The following ZNF334 variants were observed in gnomAD, a reference collection of about 807,000 sequenced individuals.
ZNF334 encodes the protein zinc finger protein 334.
ZNF334 carries 14 observed loss-of-function variants against 12.4 expected under a neutral mutation model. That is an observed-to-expected ratio of 1.13 (90% CI 0.74 to 1.76). The LOEUF is 1.76. Among genes scored for constraint, ZNF334 ranks in the 40% most tolerant of loss-of-function variants. The probability of loss-of-function intolerance (pLI) is 0.00; values close to 1 mark genes in which losing one functional copy is unlikely to be tolerated. For synonymous variants in ZNF334, 273 were observed against 269.6 expected, an observed-to-expected ratio of 1.01 and a Z score of -0.12; for missense variants, 797 against 804.5, an observed-to-expected ratio of 0.99 and a Z score of 0.11.
chr20:46,506,954 A>AT (rs59230600), intron 2 of ZNF334, among the ~76,000 whole-genome samples: 60 of 147,042 alleles, frequency 4.1e-4, no homozygotes, highest in South Asian at 6.4e-4. Flanking sequence ...TCTCAAAAAA[A>AT]TTTTTTTTTT....
At position 46,502,959 on chromosome 20, in the gene ZNF334, A is replaced by G. The variant is rs142272747; in HGVS notation, c.380T>C (p.Val127Ala). ...TTTATAGGGCATTTTTCTTGAGGGA[A>G]CACTATTCATGCCCAGATTAAGTGT... ...GKTLNLGMNS[V>A]PSRKMPYKCN... is the part of the protein sequence containing the mutation. The change falls in exon 5 of 5, where the codon GTT becomes GCT. Residue 127 changes from valine to alanine, a missense_variant. By Grantham distance (64) the Val-to-Ala change is moderately conservative. Transcript: ENST00000692313. The G allele has an allele frequency of 4.8e-4, 777 of 1,614,034 alleles. 1 individual carries two copies. The African/African-American group carries it at 8.5e-3, about 18-fold the overall frequency.
the ZNF334 span, chr20:46,492,620 CACAATA>C: frequency 6.6e-6 from 1 of 152,366 alleles, no homozygotes; most frequent in Non-Finnish European, 1.5e-5. Flanking sequence ...TCAGATAACT[CACAATA>C]AAAAGAAACC....
the ZNF334 span, chr20:46,464,922 T>G: frequency 2.0e-6 from 1 of 511,152 alleles, no homozygotes; most frequent in South Asian, 1.5e-5. Context: ...AGGGATGATT[T>G]TGTAGTTAGA....
At chr20:46,496,865 T>C (rs1231849620), downstream of ZNF334, 1 of 152,186 alleles carries the variant, frequency 6.6e-6, no homozygotes, top group Non-Finnish European at 1.5e-5. Context: ...ATCGTTTAGG[T>C]AGAAGACAGT....
chr20:46,508,640 T>C (rs1378741070), intron 2 of ZNF334, among the ~76,000 whole-genome samples: 1 of 152,224 alleles, frequency 6.6e-6, no homozygotes, highest in Non-Finnish European at 1.5e-5. Context: ...GTGGCACATC[T>C]GCGGAGACAT....
the ZNF334 span, among the ~76,000 whole-genome samples, chr20:46,489,449 A>G: frequency 6.6e-6 from 1 of 152,080 alleles, no homozygotes; most frequent in Non-Finnish European, 1.5e-5. Context: ...CGGTCAGGCC[A>G]CTTGAGGTCA....
the ZNF334 span, chr20:46,492,085 C>T: frequency 6.6e-6 from 1 of 152,538 alleles, no homozygotes; most frequent in African/African-American, 2.4e-5. Context: ...CCTCTAAAAG[C>T]GTCTCAAATC....
chr20:46,494,160 A>G, the ZNF334 span, among the ~76,000 whole-genome samples: 5 of 152,224 alleles, frequency 3.3e-5, no homozygotes, highest in African/African-American at 9.6e-5. Context: ...CTAGCATGTA[A>G]TACTGAATAC....
the ZNF334 span, among the ~76,000 whole-genome samples, chr20:46,489,669 A>T: frequency 6.6e-6 from 1 of 151,846 alleles, no homozygotes. Context: ...AAAAAAAAAA[A>T]AAATTAAAAA....
Position 46,502,160 on chromosome 20 carries a change from A to G in ZNF334, c.1179T>C (p.Thr393=). Residue 393 remains threonine (T), a synonymous_variant, in exon 5 of 5, where the codon ACT becomes ACC. Coordinates refer to ENST00000692313, the MANE Select transcript of ZNF334 (RefSeq NM_001353824.2). ...CCCCTGTGTGAATTCTCTGATGCGC[A>G]GTAAGGGCTGACTGACAGAAGAAGG... ...GKTFFCQSAL[T]AHQRIHTGEK... 1 of 1,614,136 alleles carries G rather than the reference A, an allele frequency of 6.2e-7. No homozygotes were observed. The highest frequency in any genetic ancestry group is 8.5e-7 in the Non-Finnish European group (1 of 1,179,998).
chr20:46,479,384 C>G, the ZNF334 span, among the ~76,000 whole-genome samples: 1,000 of 152,226 alleles, frequency 6.6e-3, 10 homozygotes, highest in African/African-American at 0.023. Context: ...CAAGAGAAAC[C>G]TGAAAAATGA....
the ZNF334 span, chr20:46,463,821 C>T: frequency 2.9e-6 from 1 of 345,188 alleles, no homozygotes; most frequent in Non-Finnish European, 5.8e-6. Context: ...GAAACATGGG[C>T]ACTGTCACAC....
chr20:46,475,172 A>G, the ZNF334 span, among the ~76,000 whole-genome samples: 71 of 152,374 alleles, frequency 4.7e-4, no homozygotes, highest in African/African-American at 1.7e-3. Flanking sequence ...TGAAAAATAT[A>G]AATATGGAGT....
chr20:46,502,511 C>T lies in ZNF334; in HGVS notation c.828G>A (p.Val276=). 1 of 1,613,198 alleles carries T rather than the reference C, an allele frequency of 6.2e-7. No individual in the cohort carries two copies. The highest frequency in any genetic ancestry group is 8.5e-7 in the Non-Finnish European group (1 of 1,179,470). Reference sequence around the variant, plus strand: ...TTCGGTGTCGAGTGAGGCTTGTCTTCACACGAAAAGTTTTCCTACAATCAC... The same window carrying T: ...TTCGGTGTCGAGTGAGGCTTGTCTTTACACGAAAAGTTTTCCTACAATCAC... The part of the protein sequence containing the change: ...VCSDCRKTFR[V]KTSLTRHRRI... Residue 276 remains valine, a synonymous_variant, in exon 5 of 5, where the codon GTG becomes GTA. Transcript: ENST00000692313.
the ZNF334 span, among the ~76,000 whole-genome samples, chr20:46,490,581 T>C: frequency 6.6e-6 from 1 of 152,176 alleles, no homozygotes; most frequent in Non-Finnish European, 1.5e-5. Context: ...ATTTTTACAA[T>C]CACAAGTATA....
At chr20:46,512,192 CA>C in intron 1 of ZNF334, 52 bp from the exon 2 acceptor site, 1 of 1,399,970 alleles carries the variant, frequency 7.1e-7, no homozygotes, top group Non-Finnish European at 1.0e-6. Flanking sequence ...GCTCACACAG[CA>C]GCTCTACAAT....
the ZNF334 span, among the ~76,000 whole-genome samples, chr20:46,467,899 C>T: frequency 2.6e-5 from 4 of 152,154 alleles, no homozygotes; most frequent in Admixed American, 2.6e-4. Flanking sequence ...CACTAGTAGT[C>T]ATGGATTTGA....
At chr20:46,484,105 T>A in the ZNF334 span, among the ~76,000 whole-genome samples, 1 of 151,028 alleles carries the variant, frequency 6.6e-6, no homozygotes, top group African/African-American at 2.4e-5. Flanking sequence ...CGATGTCCCA[T>A]CCCATGCAGT....
At chr20:46,494,776 AAGTTTCCT>A (rs755797275), downstream of ZNF334, among the ~76,000 whole-genome samples, 2 of 152,146 alleles carry the variant, frequency 1.3e-5, no homozygotes, top group Non-Finnish European at 2.9e-5. Flanking sequence ...AGAGTGAGAA[AAGTTTCCT>A]AGGACACACC....
Sources: allele counts gnomAD v4.1 joint callset (sites outside exome capture counted in the v4.1 genomes callset), GRCh38; gene constraint gnomAD v4.1.1; transcripts MANE v1.5; gene names NCBI Gene and HGNC (gene_info 2026-07-23, HGNC 2026-07-21).